Variants in AOPEP observed in about 807,000 individuals in gnomAD.
AOPEP encodes aminopeptidase O (putative), also known as aminopeptidase O.
Under a neutral mutation model 98.1 loss-of-function variants are expected in AOPEP, and 77 were observed. The ratio of observed to expected loss-of-function variants is 0.78; its 90% CI spans 0.65 to 0.95. The LOEUF (loss-of-function observed/expected upper bound fraction) is 0.95, where lower values mean the gene tolerates loss of function less well. AOPEP is among the 40% of genes least tolerant of loss of function. The pLI is 0.00. For missense variants in AOPEP, 1,024 were observed against 1,024.7 expected (o/e 1.00, Z 0.01); for synonymous variants, 346 against 365.3 (o/e 0.95, Z 0.60).
intron 7 of AOPEP, among the ~76,000 whole-genome samples, chr9:94,946,802 C>T (rs2057681576): frequency 6.6e-6 from 1 of 152,048 alleles, no homozygotes; most frequent in South Asian, 2.1e-4. Flanking sequence ...TGACAGTGGT[C>T]TTCTCCAAAT....
intron 3 of AOPEP, among the ~76,000 whole-genome samples, chr9:94,775,828 A>G (rs557700489): frequency 1.2e-4 from 18 of 151,988 alleles, no homozygotes; most frequent in African/African-American, 4.1e-4. Context: ...TAAACAAACA[A>G]ACAAAAAATT....
intron 14 of AOPEP, 198 bp downstream of exon 14, chr9:95,061,008 T>A (rs1256079100): frequency 4.2e-6 from 2 of 481,624 alleles, no homozygotes; most frequent in Non-Finnish European, 3.7e-6. Flanking sequence ...AGGTCTTAAG[T>A]TTTTCCCTCT....
rs1345322646 is a variant in AOPEP at position 94,980,259 on chromosome 9, G to A, written c.1977+832G>A. Among the ~76,000 whole-genome samples the A allele has an allele frequency of 2.0e-5, 3 of 152,224 alleles. No individual in the cohort carries two copies. Among genetic ancestry groups the A allele is most frequent in the African/African-American group, 4.8e-5 (2 of 41,460 alleles). ...TCTGAGGGTGGGATCCCAGATGCGC[G>A]GTCAGAGGACCCTGCAGGCTGGGAG... is the stretch of plus-strand genomic sequence containing the variant. On this transcript the variant is annotated intron_variant, in intron 11 of 16. Coordinates refer to ENST00000375315, the MANE Select transcript of AOPEP (RefSeq NM_001193329.3). This position sits in a 1 kb window ranked among gnomAD's most constrained non-coding sequence, Gnocchi z 4.3.
rs1271555823 is a variant in AOPEP, at chr9:94,972,943, AAAAAAGGAAG to A, written c.1916+5147_1916+5156del. Among the ~76,000 whole-genome samples, 1 of 151,746 alleles carries A rather than the reference AAAAAAGGAAG, an allele frequency of 6.6e-6. No individual in the cohort carries two copies. The highest frequency in any genetic ancestry group is 1.5e-5 in the Non-Finnish European group (1 of 68,034). On this transcript the variant is annotated intron_variant, in intron 10 of 16. Transcript: ENST00000375315. The surrounding 1 kb of genome is among the most constrained non-coding windows in gnomAD (Gnocchi z 4.2). Reference sequence around the variant, plus strand: ...GACAGAGTGAGACCCTGTCTCAAAAAAAAAAGGAAGAAAATAAGTAACTCTGCACAGCTTT... The same window carrying A: ...GACAGAGTGAGACCCTGTCTCAAAAAAAAATAAGTAACTCTGCACAGCTTT...
chr9:95,038,205 G>A (rs192195664), intron 13 of AOPEP, among the ~76,000 whole-genome samples: 15 of 152,272 alleles, frequency 9.9e-5, no homozygotes, highest in Admixed American at 9.8e-4. Context: ...TATACCAAAA[G>A]TGATGATATA....
chr9:95,038,257 G>C (rs1313929941), intron 13 of AOPEP, among the ~76,000 whole-genome samples: 3 of 152,180 alleles, frequency 2.0e-5, no homozygotes. Flanking sequence ...CATCAAACTT[G>C]AATGACAGGG....
At chr9:95,133,911 C>T in the AOPEP span, among the ~76,000 whole-genome samples, 1 of 152,226 alleles carries the variant, frequency 6.6e-6, no homozygotes, top group Non-Finnish European at 1.5e-5. Flanking sequence ...GTACTGCAAC[C>T]ATTTTAAAAT....
chr9:94,982,565 C>CTTTT (rs532615813), intron 11 of AOPEP, among the ~76,000 whole-genome samples: 3 of 134,586 alleles, frequency 2.2e-5, no homozygotes, highest in African/African-American at 5.4e-5. Context: ...AAGAGCAATA[C>CTTTT]TTTTTTTTTT....
intron 11 of AOPEP, among the ~76,000 whole-genome samples, chr9:94,995,422 C>T (rs570263506): frequency 5.3e-5 from 8 of 152,162 alleles, no homozygotes; most frequent in Non-Finnish European, 1.0e-4. Context: ...GTGACATGCA[C>T]GTCCAAGGCC....
intron 5 of AOPEP, among the ~76,000 whole-genome samples, chr9:94,860,608 C>T (rs2044820915): frequency 6.6e-6 from 1 of 152,008 alleles, no homozygotes; most frequent in South Asian, 2.1e-4. Context: ...AAGATATGCT[C>T]TGGAGAATGC....
At position 94,917,294 on chromosome 9, in the gene AOPEP, T is replaced by C. The variant is rs549116496; in HGVS notation, c.1365-6692T>C. On this transcript the variant is annotated intron_variant, in intron 5 of 16. Transcript: ENST00000375315. ...CTGAGCCAGAGGTGGTCTCTGTGTT[T>C]CCTAGACTCAAGGTGGTCTCCATGT... 1.3e-4 allele frequency among the ~76,000 whole-genome samples: 20 copies of C among 152,214 alleles called. No individual in the cohort carries two copies. In the South Asian group the frequency reaches 4.2e-3, roughly 32 times the overall value.
rs914056223 is a variant in AOPEP at position 94,796,800 on chromosome 9, G to A, written c.1118+3882G>A. Among the ~76,000 whole-genome samples the A allele has an allele frequency of 3.4e-4, 51 of 152,220 alleles. 2 individuals are homozygous for A. Among genetic ancestry groups the A allele is most frequent in the Non-Finnish European group, 8.8e-5 (6 of 68,042 alleles). On this transcript the variant is annotated intron_variant, in intron 4 of 16. Transcript: ENST00000375315. Reference sequence around the variant, plus strand: ...TTATAAGGCTCTCAGATAAGCTGTTGAAAGTTTATTAATTTTATTCAGCTG... The same window carrying A: ...TTATAAGGCTCTCAGATAAGCTGTTAAAAGTTTATTAATTTTATTCAGCTG...
chr9:94,956,091 T>C, intron 9 of AOPEP, 76 bp downstream of exon 9: 1 of 818,286 alleles, frequency 1.2e-6, no homozygotes, highest in Non-Finnish European at 2.0e-6. Flanking sequence ...ATTATGCCAG[T>C]ATTAAAGAGT....
chr9:94,740,281 A>G (rs1392055817), intron 1 of AOPEP, among the ~76,000 whole-genome samples: 2 of 152,048 alleles, frequency 1.3e-5, no homozygotes, highest in African/African-American at 4.8e-5. Context: ...GACAGTGGCA[A>G]TATTGCTTGG....
intron 13 of AOPEP, among the ~76,000 whole-genome samples, chr9:95,015,888 G>T (rs1221778789): frequency 6.6e-6 from 1 of 152,106 alleles, no homozygotes; most frequent in Non-Finnish European, 1.5e-5. Flanking sequence ...TTTTAGTAGA[G>T]ACAGGGTTGC....
intron 5 of AOPEP, among the ~76,000 whole-genome samples, chr9:94,866,638 T>C (rs1478886169): frequency 6.6e-6 from 1 of 152,228 alleles, no homozygotes; most frequent in East Asian, 1.9e-4. Context: ...ATTGATGATT[T>C]CAATCAGTAT....
intron 5 of AOPEP, among the ~76,000 whole-genome samples, chr9:94,916,029 A>G (rs1285333182): frequency 2.0e-5 from 3 of 152,048 alleles, no homozygotes; most frequent in Admixed American, 6.6e-5. Flanking sequence ...AGGCCTCCAC[A>G]CCGCCACACG....
the AOPEP span, among the ~76,000 whole-genome samples, chr9:95,144,514 A>C: frequency 6.6e-6 from 1 of 152,314 alleles, no homozygotes; most frequent in East Asian, 1.9e-4. Flanking sequence ...TTCTCTGGGC[A>C]CGTCGCCTGG....
intron 5 of AOPEP, among the ~76,000 whole-genome samples, chr9:94,808,772 G>T (rs1029391269): frequency 2.0e-5 from 3 of 152,252 alleles, no homozygotes; most frequent in Non-Finnish European, 4.4e-5. Flanking sequence ...GGGTAGGCAA[G>T]GAGGAGGAGG....
Sources: allele counts gnomAD v4.1 joint callset (sites outside exome capture counted in the v4.1 genomes callset), GRCh38; gene constraint gnomAD v4.1.1; non-coding constraint Gnocchi (gnomAD v3.1); transcripts MANE v1.5; gene names NCBI Gene and HGNC (gene_info 2026-07-23, HGNC 2026-07-21).